The following PDZD2 variants were observed in gnomAD, a reference collection of about 807,000 sequenced individuals.
PDZD2 encodes PDZ domain-containing protein 2.
Under a neutral mutation model 220.7 loss-of-function variants are expected in PDZD2, and 90 were observed. The observed-to-expected ratio is 0.41, with a 90% CI of 0.34 to 0.49. PDZD2 has a LOEUF of 0.49. Ranked by LOEUF, PDZD2 falls within the 20% of genes least tolerant of loss-of-function variation. PDZD2 has a pLI of 0.28. For missense variants in PDZD2, 3,174 were observed against 3,608.5 expected (o/e 0.88, Z 3.08); for synonymous variants, 1,375 against 1,450.5 (o/e 0.95, Z 1.18).
chr5:31,993,810 C>CCAAA (rs1702470154), intron 3 of PDZD2, among the ~76,000 whole-genome samples: 1 of 152,040 alleles, frequency 6.6e-6, no homozygotes, highest in Non-Finnish European at 1.5e-5. Context: ...AAGTGAGACC[C>CCAAA]CAAAGTAAAT....
intron 1 of PDZD2, among the ~76,000 whole-genome samples, chr5:31,797,158 T>C (rs891123604): frequency 7.2e-6 from 1 of 139,066 alleles, no homozygotes; most frequent in Non-Finnish European, 1.5e-5. Context: ...TTAGCCAGGA[T>C]GGTCTTGATC....
At chr5:31,753,600 C>CAAATAAATAAAT (rs71614264) in intron 1 of PDZD2, among the ~76,000 whole-genome samples, 2 of 149,568 alleles carry the variant, frequency 1.3e-5, no homozygotes, top group Non-Finnish European at 3.0e-5. Context: ...GACTCTGTCT[C>CAAATAAATAAAT]AAATAAATAA....
chr5:32,104,716 TAAAA>T (rs755177769), intron 24 of PDZD2, among the ~76,000 whole-genome samples: 58 of 30,080 alleles, frequency 1.9e-3, no homozygotes, highest in African/African-American at 2.9e-3. Flanking sequence ...AGGCTCCATC[TAAAA>T]AAAAAAAAAA....
In PDZD2 at chr5:31,799,571, C is replaced by G. The variant is rs749693709; in HGVS notation, c.323C>G (p.Thr108Ser). ...EKRRGGKKRK[T>S]HQGPVLDVGC... is the part of the protein sequence containing the mutation. ...CGCAGGGGGGGCAAGAAGAGGAAAACCCACCAGGGTCCTGTGCTGGATGTG... is the reference window on the plus strand; with the variant it reads ...CGCAGGGGGGGCAAGAAGAGGAAAAGCCACCAGGGTCCTGTGCTGGATGTG... Residue 108 changes from threonine to serine, a missense_variant, in exon 2 of 25, where the codon ACC becomes AGC. Around this residue, in one of 4 missense-constraint regions of PDZD2, gnomAD observed 632 missense variants for 708.1 expected, o/e 0.89. Transcript: ENST00000438447. The G allele has an allele frequency of 2.5e-6, 4 of 1,614,130 alleles. No homozygotes were observed. The South Asian group carries it at 4.4e-5, about 18-fold the overall frequency.
intron 2 of PDZD2, among the ~76,000 whole-genome samples, chr5:31,912,074 AC>A (rs1467391677): frequency 5.3e-5 from 8 of 152,114 alleles, no homozygotes; most frequent in Non-Finnish European, 1.0e-4. Context: ...CCTTGGCTCT[AC>A]TACACAAAAG....
rs1747771041 is a variant in PDZD2, at chr5:31,705,211, TACACA to T, written c.-361+65775_-361+65779del. Among the ~76,000 whole-genome samples, 50 of 14,590 alleles carry T rather than the reference TACACA, an allele frequency of 3.4e-3. No individual in the cohort carries two copies. In the East Asian group the frequency reaches 0.15, roughly 45 times the overall value. The allele number at this position is 14,590 out of a possible 152,430, so 9.6% of individuals were successfully genotyped here. On this transcript the variant is annotated intron_variant, in intron 1 of 24. Transcript: ENST00000438447. Reference sequence around the variant, plus strand: ...ACACACACACACACACACACACACATACACACTCACACTCACTCTACTGGCTCTGT... The same window carrying T: ...ACACACACACACACACACACACACATCTCACACTCACTCTACTGGCTCTGT...
chr5:31,783,343 G>GGA (rs1561456269), intron 1 of PDZD2, among the ~76,000 whole-genome samples: 1 of 152,120 alleles, frequency 6.6e-6, no homozygotes, highest in Admixed American at 6.5e-5. Flanking sequence ...AACACGGGAG[G>GGA]GAAGGATGAG....
chr5:32,100,650 C>A, intron 23 of PDZD2: 1 of 362,222 alleles, frequency 2.8e-6, no homozygotes. Context: ...TCACATGAGA[C>A]TGGGCATTTT....
chr5:31,921,139 C>T (rs1283641540), intron 2 of PDZD2, among the ~76,000 whole-genome samples: 1 of 152,174 alleles, frequency 6.6e-6, no homozygotes, highest in East Asian at 1.9e-4. Flanking sequence ...GGAGGACTCA[C>T]TTAGATCCTC....
chr5:31,742,205 G>A (rs1233677987), intron 1 of PDZD2: 1 of 152,118 alleles, frequency 6.6e-6, no homozygotes, highest in South Asian at 2.1e-4. Flanking sequence ...CTTTCTTCAC[G>A]GGGTTATTGC....
Position 32,059,302 on chromosome 5 carries a change from T to C in PDZD2, c.2264T>C (p.Ile755Thr). The C allele has an allele frequency of 6.2e-7, 1 of 1,613,750 alleles. No individual in the cohort carries two copies. Among genetic ancestry groups the C allele is most frequent in the Non-Finnish European group, 8.5e-7 (1 of 1,179,638 alleles). ...CLALENSPPG[I>T]YIHSLAPGSV... ...GCTCTGGAAAACAGTCCTCCTGGCA[T>C]CTACATTCACAGCCTTGCTCCAGGA... is the stretch of plus-strand genomic sequence containing the variant. The change falls in exon 13 of 25, where the codon ATC (isoleucine) becomes ACC (threonine). Residue 755 changes from isoleucine (I) to threonine (T), a missense_variant. Ile to Thr is a moderately conservative substitution (Grantham distance 89, BLOSUM62 -1). Coordinates refer to ENST00000438447, the MANE Select transcript of PDZD2 (RefSeq NM_178140.4).
At chr5:31,798,638 G>T (rs1754187071) in intron 1 of PDZD2, among the ~76,000 whole-genome samples, 1 of 152,162 alleles carries the variant, frequency 6.6e-6, no homozygotes, top group Non-Finnish European at 1.5e-5. Context: ...CAAGTCATCT[G>T]GTTTCTCTGC....
At chr5:31,940,951 GC>G (rs147323064) in intron 2 of PDZD2, among the ~76,000 whole-genome samples, 2 of 151,600 alleles carry the variant, frequency 1.3e-5, no homozygotes, top group African/African-American at 2.4e-5. Flanking sequence ...CCATCCCCAT[GC>G]CCCCCCACCA....
chr5:32,084,854 G>T (rs909783472), intron 19 of PDZD2, among the ~76,000 whole-genome samples: 4 of 151,152 alleles, frequency 2.6e-5, no homozygotes, highest in Non-Finnish European at 5.9e-5. Context: ...CCACCTCCTA[G>T]ATGACTTCCC....
rs1167580158 is a variant in PDZD2 at position 32,072,207 on chromosome 5, A to T, written c.2615A>T (p.Asp872Val). The change falls in exon 17 of 25, where the codon GAT becomes GTT. Residue 872 changes from aspartate to valine, a missense_variant. Physicochemically the swap from Asp to Val is radical, Grantham distance 152. Transcript: ENST00000438447. The part of the protein sequence containing the change: ...ESELSQYFAH[D>V]VPGPLSDFMV... ...GAACTCTCCCAGTACTTTGCCCACG[A>T]TGTCCCTGGCCCCTTGTCAGACTTC... The T allele has an allele frequency of 6.2e-7, 1 of 1,613,612 alleles. No homozygotes were observed. Among genetic ancestry groups the T allele is most frequent in the Non-Finnish European group, 8.5e-7 (1 of 1,179,536 alleles).
chr5:31,997,357 A>G (rs1350093496), intron 4 of PDZD2, among the ~76,000 whole-genome samples: 1 of 152,224 alleles, frequency 6.6e-6, no homozygotes, highest in African/African-American at 2.4e-5. Context: ...GGCACAAACC[A>G]GCAAAGTCTT....
chr5:31,972,447 C>G (rs1038231495), intron 2 of PDZD2, among the ~76,000 whole-genome samples: 6 of 152,088 alleles, frequency 3.9e-5, no homozygotes, highest in African/African-American at 7.2e-5. Context: ...TAGCCCATCT[C>G]ACTTTCTAAC....
At chr5:31,669,481 C>T (rs1242933424) in intron 1 of PDZD2, among the ~76,000 whole-genome samples, 2 of 152,094 alleles carry the variant, frequency 1.3e-5, no homozygotes, top group Non-Finnish European at 2.9e-5. Flanking sequence ...TCCTGGCTGC[C>T]CCCTGTCCTG....
At chr5:31,963,656 G>C (rs1748451637) in intron 2 of PDZD2, among the ~76,000 whole-genome samples, 1 of 152,208 alleles carries the variant, frequency 6.6e-6, no homozygotes, top group Non-Finnish European at 1.5e-5. Flanking sequence ...TCGGAGTTCA[G>C]GTCAGGCCAG....
Sources: gnomAD v4.1 joint callset for allele counts (sites outside exome capture counted in the v4.1 genomes callset) on GRCh38, gnomAD v4.1.1 for gene constraint, gnomAD v4.1.1 regional missense constraint, MANE v1.5 for transcripts, NCBI Gene and HGNC (gene_info 2026-07-23, HGNC 2026-07-21) for gene names.